The following NCOR1 variants were observed in gnomAD, a reference collection of about 807,000 sequenced individuals.
NCOR1 encodes protein phosphatase 1, regulatory subunit 109.
Under a neutral mutation model 288.1 loss-of-function variants are expected in NCOR1, and 63 were observed. That is an observed-to-expected ratio of 0.22 (90% CI 0.18 to 0.27). The LOEUF (loss-of-function observed/expected upper bound fraction) is 0.27. NCOR1 is among the 10% of genes least tolerant of loss of function. The probability of loss-of-function intolerance (pLI) is 1.00; values close to 1 mark genes in which losing one functional copy is unlikely to be tolerated. For synonymous variants in NCOR1, 1,007 were observed against 1,065.9 expected, an observed-to-expected ratio of 0.94 and a Z score of 1.08; for missense variants, 2,397 against 3,019.2, an observed-to-expected ratio of 0.79 and a Z score of 4.83.
rs372790047 is a variant in NCOR1, at chr17:16,202,274, A to G, written c.-70-7635T>C. Among the ~76,000 whole-genome samples the G allele has an allele frequency of 1.2e-3, 182 of 149,352 alleles. 7 individuals carry two copies. In the South Asian group the frequency reaches 0.036, roughly 30 times the overall value. On this transcript the variant is annotated intron_variant, in intron 1 of 45. Transcript: ENST00000268712. ...AAATTAGCCAGGCGTGGTGGTGCGC[A>G]CCTGTAATCCCAGCTACTCAGGAGG...
intron 2 of NCOR1, among the ~76,000 whole-genome samples, chr17:16,192,394 G>A (rs1028154485): frequency 6.6e-5 from 10 of 152,124 alleles, no homozygotes; most frequent in African/African-American, 1.2e-4. Context: ...AGTGGCTCAC[G>A]CCTGTAATCC....
At chr17:16,109,579 T>C (rs563101394) in intron 18 of NCOR1, among the ~76,000 whole-genome samples, 2 of 152,320 alleles carry the variant, frequency 1.3e-5, no homozygotes, top group East Asian at 3.9e-4. Flanking sequence ...TGTTGACATA[T>C]AATTAAAATT....
chr17:16,062,467 C>A (rs1020165488), intron 35 of NCOR1, among the ~76,000 whole-genome samples, 197 bp from the exon 36 acceptor site: 1 of 152,210 alleles, frequency 6.6e-6, no homozygotes, highest in African/African-American at 2.4e-5. Context: ...TGCAATAAAA[C>A]CGCAGCAGTA....
At chr17:16,171,028 C>A (rs2083052843) in intron 4 of NCOR1, among the ~76,000 whole-genome samples, 1 of 151,864 alleles carries the variant, frequency 6.6e-6, no homozygotes, top group South Asian at 2.1e-4. Flanking sequence ...AGCATGGCAA[C>A]TATAGCTAAT....
At chr17:16,204,992 G>A (rs1213939303) in intron 1 of NCOR1, among the ~76,000 whole-genome samples, 3 of 152,176 alleles carry the variant, frequency 2.0e-5, no homozygotes, top group Non-Finnish European at 4.4e-5. Flanking sequence ...AGGCCCAGGC[G>A]GGTGGATCAC....
chr17:16,034,744 A>G (rs758354100), intron 45 of NCOR1, 21 bp downstream of exon 45: 2 of 1,581,520 alleles, frequency 1.3e-6, no homozygotes, highest in South Asian at 1.1e-5. Context: ...CTCATTTTCT[A>G]AGTTAAAGCA....
chr17:16,046,268 G>A (rs1478111123), intron 42 of NCOR1, among the ~76,000 whole-genome samples: 2 of 152,128 alleles, frequency 1.3e-5, no homozygotes, highest in East Asian at 1.9e-4. Context: ...TAGAGCGAGG[G>A]CAAGGCATGA....
intron 1 of NCOR1, among the ~76,000 whole-genome samples, chr17:16,200,446 G>A (rs1411525932): frequency 7.2e-6 from 1 of 138,038 alleles, no homozygotes; most frequent in African/African-American, 2.7e-5. Context: ...GTAGTGAGCT[G>A]GCATCGTGCC....
rs2072989489 is a variant in NCOR1, at chr17:16,121,377, ATC to A, written c.1635-110_1635-109del. Reference sequence around the variant, plus strand: ...AATAGAAATTGAATAAAACTACCTAATCTCTCACTCAAAAAAAAAAAATTATC... The same window carrying A: ...AATAGAAATTGAATAAAACTACCTAATCTCACTCAAAAAAAAAAAATTATC... On this transcript the variant is annotated intron_variant, in intron 15 of 45. Transcript: ENST00000268712. The A allele has an allele frequency of 3.4e-6, 3 of 888,204 alleles. No homozygotes were observed. In the South Asian group the frequency reaches 7.3e-5, roughly 21 times the overall value. The allele number at this position is 888,204 out of a possible 1,614,324, so 55.0% of individuals were successfully genotyped here.
At position 16,127,301 on chromosome 17, in the gene NCOR1, GTATATATACATGTA is replaced by G. The variant is rs2074410036; in HGVS notation, c.1510-1109_1510-1096del. ...TATATACGTGTATATATGTATGTAT[GTATATATACATGTA>G]TGTATATATGTATGTATATATACAT... On this transcript the variant is annotated intron_variant, in intron 14 of 45. Coordinates refer to ENST00000268712, the MANE Select transcript of NCOR1 (RefSeq NM_006311.4). Among the ~76,000 whole-genome samples the G allele has an allele frequency of 2.1e-5, 2 of 95,706 alleles. 1 individual carries two copies. The highest frequency in any genetic ancestry group is 4.7e-5 in the Non-Finnish European group (2 of 42,302). 62.8% of individuals were successfully genotyped at this position (95,706 alleles called of 152,430 possible).
intron 14 of NCOR1, among the ~76,000 whole-genome samples, chr17:16,135,146 G>A (rs145586930): frequency 0.056 from 7,075 of 125,942 alleles, 233 homozygotes; most frequent in African/African-American, 0.12. Flanking sequence ...GCGACAGAGC[G>A]AGACTCCATC....
At chr17:16,132,404 T>C (rs1297306213) in intron 14 of NCOR1, among the ~76,000 whole-genome samples, 4 of 152,196 alleles carry the variant, frequency 2.6e-5, no homozygotes, top group African/African-American at 7.2e-5. Flanking sequence ...ACAATGTACA[T>C]AGAATCAAAC....
Position 16,058,070 on chromosome 17 carries a change from A to T in NCOR1, c.6011-6T>A. ...ATATTGTCTGGTAGGATCATCTAGG[A>T]GAGAACACATAGATGTCTTACTCCA... is the stretch of plus-strand genomic sequence containing the variant. On this transcript the variant is annotated splice_region_variant and splice_polypyrimidine_tract_variant and intron_variant, in intron 38 of 45. Coordinates refer to ENST00000268712, the MANE Select transcript of NCOR1 (RefSeq NM_006311.4). The T allele has an allele frequency of 1.2e-6, 2 of 1,613,356 alleles. No individual in the cohort carries two copies. Among genetic ancestry groups the T allele is most frequent in the Non-Finnish European group, 8.5e-7 (1 of 1,179,332 alleles).
intron 3 of NCOR1, among the ~76,000 whole-genome samples, chr17:16,174,736 T>C (rs2153476017): frequency 6.6e-6 from 1 of 152,342 alleles, no homozygotes; most frequent in South Asian, 2.1e-4. Context: ...TTAGGAGTTC[T>C]GGTAGAACTA....
chr17:16,197,820 T>C (rs2090115160), intron 1 of NCOR1, among the ~76,000 whole-genome samples: 1 of 152,080 alleles, frequency 6.6e-6, no homozygotes, highest in Admixed American at 6.6e-5. Context: ...AGGGTTGATC[T>C]TTTTGGAAAT....
chr17:16,161,495 C>T (rs2080861526), intron 5 of NCOR1, among the ~76,000 whole-genome samples: 1 of 152,132 alleles, frequency 6.6e-6, no homozygotes, highest in Non-Finnish European at 1.5e-5. Flanking sequence ...GGGGTTTTGC[C>T]ATGTTGGCCA....
At chr17:16,123,306 A>T (rs1315919941) in intron 15 of NCOR1, among the ~76,000 whole-genome samples, 2 of 152,152 alleles carry the variant, frequency 1.3e-5, no homozygotes, top group Admixed American at 1.3e-4. Flanking sequence ...AGTTTTGGTT[A>T]TTTCATCTCA....
chr17:16,201,444 C>T (rs934699290), intron 1 of NCOR1, among the ~76,000 whole-genome samples: 1 of 151,900 alleles, frequency 6.6e-6, no homozygotes, highest in African/African-American at 2.4e-5. Flanking sequence ...ACTAAAAATA[C>T]AAAAACTAAC....
intron 9 of NCOR1, among the ~76,000 whole-genome samples, chr17:16,147,087 G>A (rs2078107800): frequency 6.6e-6 from 1 of 152,260 alleles, no homozygotes; most frequent in African/African-American, 2.4e-5. Flanking sequence ...TATGAAAAAG[G>A]CAGAAAATGG....
Sources: gnomAD v4.1 joint callset for allele counts (sites outside exome capture counted in the v4.1 genomes callset) on GRCh38, gnomAD v4.1.1 for gene constraint, MANE v1.5 for transcripts, NCBI Gene and HGNC (gene_info 2026-07-23, HGNC 2026-07-21) for gene names.